The following GALNTL6 variants were observed in gnomAD, a reference collection of about 807,000 sequenced individuals.
GALNTL6 encodes polypeptide N-acetylgalactosaminyltransferase like 6.
A neutral mutation model predicts 73.7 loss-of-function variants in GALNTL6; 46 were observed. That is an observed-to-expected ratio of 0.62 (90% confidence interval 0.49 to 0.80). The LOEUF (loss-of-function observed/expected upper bound fraction) is 0.80. Among genes scored for constraint, GALNTL6 ranks in the 30% least tolerant of loss-of-function variants. The pLI, the probability that GALNTL6 is intolerant of heterozygous loss-of-function variation, is 0.00. For synonymous variants in GALNTL6, 259 were observed against 263.7 expected, an observed-to-expected ratio of 0.98 and a Z score of 0.17; for missense variants, 604 against 755.0, an observed-to-expected ratio of 0.80 and a Z score of 2.34.
At chr4:172,296,937 C>T (rs961912914) in intron 3 of GALNTL6, among the ~76,000 whole-genome samples, 3 of 152,186 alleles carry the variant, frequency 2.0e-5, no homozygotes, top group Non-Finnish European at 4.4e-5. Flanking sequence ...GGAATCACCA[C>T]ACTGACTTCC....
chr4:172,391,364 G>A (rs1284540396), intron 5 of GALNTL6, among the ~76,000 whole-genome samples: 1 of 151,992 alleles, frequency 6.6e-6, no homozygotes, highest in Non-Finnish European at 1.5e-5. Flanking sequence ...AATAGAGATG[G>A]GGTCTTGCTC....
At position 172,915,966 on chromosome 4, in the gene GALNTL6, C is replaced by T. The variant is rs186819134; in HGVS notation, c.1042-15195C>T. On this transcript the variant is annotated intron_variant, in intron 8 of 12. Coordinates refer to ENST00000506823, the MANE Select transcript of GALNTL6 (RefSeq NM_001034845.3). Reference sequence around the variant, plus strand: ...AAAAAAAGAGAATTATAGGCCAATACCCCTGATGAACAGTGATGCAAAAAT... The same window carrying T: ...AAAAAAAGAGAATTATAGGCCAATATCCCTGATGAACAGTGATGCAAAAAT... 6.6e-5 allele frequency among the ~76,000 whole-genome samples: 10 copies of T among 152,126 alleles called. No homozygotes were observed. In the South Asian group the frequency reaches 2.1e-3, roughly 32 times the overall value.
At chr4:172,624,213 G>GT (rs1424547610) in intron 5 of GALNTL6, among the ~76,000 whole-genome samples, 2 of 152,042 alleles carry the variant, frequency 1.3e-5, no homozygotes. Context: ...CCAAAATTGA[G>GT]TTGTATGATC....
chr4:172,248,982 G>A (rs1182906223), intron 3 of GALNTL6, among the ~76,000 whole-genome samples: 3 of 152,148 alleles, frequency 2.0e-5, no homozygotes, highest in Admixed American at 1.3e-4. Flanking sequence ...AGTAAATTGG[G>A]TACTGCAGAG....
intron 5 of GALNTL6, chr4:172,425,202 A>G (rs1432384394): frequency 6.6e-6 from 1 of 152,100 alleles, no homozygotes; most frequent in African/African-American, 2.4e-5. Flanking sequence ...TCTTAGTTAT[A>G]TCTATACTAA....
intron 2 of GALNTL6, among the ~76,000 whole-genome samples, chr4:171,996,738 A>AG (rs957334343): frequency 3.3e-5 from 5 of 150,952 alleles, no homozygotes; most frequent in African/African-American, 1.2e-4. Context: ...AAAAAAAAAA[A>AG]AAAAACTCAC....
At chr4:172,075,751 A>AAG (rs1376829680) in intron 2 of GALNTL6, among the ~76,000 whole-genome samples, 1 of 151,408 alleles carries the variant, frequency 6.6e-6, no homozygotes, top group African/African-American at 2.4e-5. Context: ...AGAAATGAGA[A>AAG]AGAGAGAGAG....
chr4:171,848,269 C>T (rs1193736062), intron 2 of GALNTL6, among the ~76,000 whole-genome samples: 1 of 152,098 alleles, frequency 6.6e-6, no homozygotes, highest in African/African-American at 2.4e-5. Context: ...CTTAAATATT[C>T]AGTAAATTAT....
At chr4:172,239,717 T>G (rs1199434675) in intron 3 of GALNTL6, among the ~76,000 whole-genome samples, 3 of 152,188 alleles carry the variant, frequency 2.0e-5, no homozygotes, top group Non-Finnish European at 1.5e-5. Context: ...TTTATGTGGG[T>G]GTTTAGTGTT....
At chr4:171,857,170 A>T (rs1735715419) in intron 2 of GALNTL6, among the ~76,000 whole-genome samples, 1 of 152,216 alleles carries the variant, frequency 6.6e-6, no homozygotes, top group Non-Finnish European at 1.5e-5. Context: ...TGTGTACATG[A>T]AAGTGAAATA....
intron 2 of GALNTL6, among the ~76,000 whole-genome samples, chr4:172,005,215 C>G (rs1740800996): frequency 6.6e-6 from 1 of 152,056 alleles, no homozygotes; most frequent in Admixed American, 6.6e-5. Context: ...ACTTCTGCCT[C>G]CCTGGCTCAG....
At chr4:171,926,898 T>A (rs889746345) in intron 2 of GALNTL6, among the ~76,000 whole-genome samples, 1 of 152,164 alleles carries the variant, frequency 6.6e-6, no homozygotes, top group Non-Finnish European at 1.5e-5. Context: ...TTTTTTTGTA[T>A]GTTTAATTTT....
intron 7 of GALNTL6, among the ~76,000 whole-genome samples, chr4:172,827,681 G>A (rs6811072): frequency 2.6e-5 from 4 of 151,718 alleles, no homozygotes; most frequent in Admixed American, 2.0e-4. Flanking sequence ...CTGTTTCTTC[G>A]ATACTATGTT....
At chr4:172,296,227 A>G (rs968853411) in intron 3 of GALNTL6, among the ~76,000 whole-genome samples, 3 of 152,170 alleles carry the variant, frequency 2.0e-5, no homozygotes, top group African/African-American at 7.2e-5. Context: ...CTATATTGAG[A>G]TAACATTAAG....
intron 7 of GALNTL6, among the ~76,000 whole-genome samples, chr4:172,874,186 C>T (rs147472241): frequency 1.3e-4 from 20 of 152,306 alleles, no homozygotes; most frequent in African/African-American, 2.9e-4. Context: ...GTCTCCATTA[C>T]GGATGAAGTC....
At chr4:171,875,078 A>G (rs919940430) in intron 2 of GALNTL6, among the ~76,000 whole-genome samples, 8 of 152,210 alleles carry the variant, frequency 5.3e-5, no homozygotes, top group African/African-American at 1.9e-4. Context: ...GAATGAGAGA[A>G]ATCACATTTA....
At chr4:171,838,281 G>T (rs1278739815) in intron 2 of GALNTL6, among the ~76,000 whole-genome samples, 1 of 151,808 alleles carries the variant, frequency 6.6e-6, no homozygotes, top group African/African-American at 2.4e-5. Context: ...ACACCACCAT[G>T]CCCATCTAAG....
intron 10 of GALNTL6, among the ~76,000 whole-genome samples, chr4:172,974,115 T>C (rs1023719912): frequency 3.3e-5 from 5 of 152,260 alleles, no homozygotes; most frequent in Admixed American, 2.6e-4. Context: ...ATTGTACTTA[T>C]GCCCTACAGC....
At chr4:172,678,724 CT>C (rs2111225513) in intron 5 of GALNTL6, among the ~76,000 whole-genome samples, 1 of 152,316 alleles carries the variant, frequency 6.6e-6, no homozygotes, top group Admixed American at 6.5e-5. Context: ...AGAAAAAGCT[CT>C]CCTCTCTCCC....
Sources: allele counts gnomAD v4.1 joint callset (sites outside exome capture counted in the v4.1 genomes callset), GRCh38; gene constraint gnomAD v4.1.1; transcripts MANE v1.5; gene names NCBI Gene and HGNC (gene_info 2026-07-23, HGNC 2026-07-21).